Variants in CIC observed in about 807,000 individuals in gnomAD.
CIC encodes the protein capicua transcriptional repressor.
A neutral mutation model predicts 115.7 loss-of-function variants in CIC; 18 were observed. That is an observed-to-expected ratio of 0.16 (90% CI 0.11 to 0.23). The LOEUF is 0.23. Ranked by LOEUF, CIC falls within the 10% of genes least tolerant of loss-of-function variation. CIC has a pLI of 1.00. For missense variants in CIC, 2,000 were observed against 2,159.3 expected (o/e 0.93, Z 1.46); for synonymous variants, 1,076 against 923.0 (o/e 1.17, Z -3.01).
At chr19:42,289,753 G>A in intron 9 of CIC, 95 bp from the exon 10 acceptor site, 2 of 1,139,060 alleles carry the variant, frequency 1.8e-6, no homozygotes, top group Non-Finnish European at 2.6e-6. Context: ...CTCCCTGCCG[G>A]TTTGGAGCAG....
rs368084583 is a variant in CIC at position 42,287,460 on chromosome 19, C to T, written c.3309+11C>T. ...CGCAGCCCCAACAAGGTACTTTATC[C>T]CTGCCTGTCCTGTGCTCACCCCGTG... On this transcript the variant is annotated intron_variant, in intron 5 of 20. Transcript: ENST00000681038. This position sits in a 1 kb window ranked among gnomAD's most constrained non-coding sequence, Gnocchi z 8.7. 50 of 1,612,570 alleles carry T rather than the reference C, an allele frequency of 3.1e-5. No individual in the cohort carries two copies. In the African/African-American group the frequency reaches 6.1e-4, roughly 20 times the overall value.
At chr19:42,274,623 G>A in intron 2 of CIC, 46 bp downstream of exon 2, 1 of 398,656 alleles carries the variant, frequency 2.5e-6, no homozygotes, top group African/African-American at 2.1e-5. Context: ...ACCTCGTAGA[G>A]GGCCTCTTGC....
chr19:42,286,867 C>G lies in CIC; in HGVS notation c.2891C>G (p.Pro964Arg). ...APSQPDPSVQ[P>R]SEAQQPASHP... ...AGCCAGCCTGACCCCTCCGTGCAGC[C>G]GAGCGAGGCCCAGCAACCTGCCAGC... Residue 964 changes from proline (P) to arginine (R), a missense_variant, in exon 3 of 21, where the codon CCG becomes CGG. Pro to Arg is a moderately radical substitution (Grantham distance 103). This residue lies in a region of CIC where 222 missense variants were observed against 247.7 expected (regional missense o/e 0.90). Coordinates refer to ENST00000681038, the MANE Select transcript of CIC (RefSeq NM_001386298.1). 1.2e-6 allele frequency: 2 copies of G among 1,613,234 alleles called. No individual in the cohort carries two copies. Among genetic ancestry groups the G allele is most frequent in the Non-Finnish European group, 1.7e-6 (2 of 1,179,844 alleles).
intron 20 of CIC, 25 bp from the exon 21 acceptor site, chr19:42,294,799 C>T (rs1455748154): frequency 1.9e-6 from 3 of 1,606,640 alleles, no homozygotes; most frequent in Admixed American, 1.7e-5. Flanking sequence ...TCATCCTGTG[C>T]TCCCCACCGT....
intron 2 of CIC, among the ~76,000 whole-genome samples, chr19:42,277,795 C>A (rs1309327321): frequency 6.6e-6 from 1 of 152,182 alleles, no homozygotes; most frequent in Non-Finnish European, 1.5e-5. Context: ...CAGTGCCTAT[C>A]CTGGCAGTTC....
Position 42,288,971 on chromosome 19 carries a change from G to C in CIC, c.3742G>C (p.Glu1248Gln). ...KAPGSSSCGA[E>Q]RLHTVGGPGS... ...TCCGGGGAGCAGCTCCTGTGGGGCA[G>C]AACGGCTACACACAGTTGGGGGACC... The change falls in exon 8 of 21, where the codon GAA becomes CAA. Residue 1248 changes from glutamate to glutamine, a missense_variant. Physicochemically the swap from Glu to Gln is conservative, Grantham distance 29. Coordinates refer to ENST00000681038, the MANE Select transcript of CIC (RefSeq NM_001386298.1). The C allele has an allele frequency of 6.2e-7, 1 of 1,614,092 alleles. No homozygotes were observed. The highest frequency in any genetic ancestry group is 8.5e-7 in the Non-Finnish European group (1 of 1,180,044).
At chr19:42,293,473 C>T (rs1277589531) in intron 16 of CIC, 119 bp from the exon 17 acceptor site, 13 of 1,530,782 alleles carry the variant, frequency 8.5e-6, no homozygotes, top group East Asian at 4.6e-5. Context: ...TTCCTGAGGC[C>T]GTGTGACAGC....
Position 42,292,637 on chromosome 19 carries a change from G to A in CIC, c.5974G>A (p.Ala1992Thr), listed in dbSNP as rs1476677567. 1.9e-6 allele frequency: 3 copies of A among 1,613,700 alleles called. No individual in the cohort carries two copies. Among genetic ancestry groups the A allele is most frequent in the Middle Eastern group, 1.6e-4 (1 of 6,062 alleles). Residue 1992 changes from alanine to threonine, a missense_variant, in exon 15 of 21, where the codon GCC becomes ACC. Around this residue, in one of 8 missense-constraint regions of CIC, gnomAD observed 1,466 missense variants for 1,390.4 expected, o/e 1.05. Coordinates refer to ENST00000681038, the MANE Select transcript of CIC (RefSeq NM_001386298.1). ...SPVPSPQLPPACAAPGGPVIT... is the reference protein window; with the variant it reads ...SPVPSPQLPPTCAAPGGPVIT... Reference sequence around the variant, plus strand: ...TGTGCCCAGTCCCCAGCTGCCGCCTGCCTGTGCAGCCCCCGGAGGTCCTGT... The same window carrying A: ...TGTGCCCAGTCCCCAGCTGCCGCCTACCTGTGCAGCCCCCGGAGGTCCTGT...
chr19:42,284,720 A>G (rs1161639394), intron 2 of CIC: 1 of 1,554,350 alleles, frequency 6.4e-7, no homozygotes, highest in East Asian at 2.4e-5. Context: ...TTCGGCCCAC[A>G]GGCCCCTGAT....
At chr19:42,276,697 T>C (rs1056863957) in intron 2 of CIC, among the ~76,000 whole-genome samples, 7 of 152,152 alleles carry the variant, frequency 4.6e-5, no homozygotes, top group Non-Finnish European at 1.0e-4. Context: ...ACAGCAGGGA[T>C]TTCTGTCCTT....
chr19:42,286,758 C>T lies in CIC; in HGVS notation c.2795-13C>T. The T allele has an allele frequency of 6.2e-7, 1 of 1,613,898 alleles. No homozygotes were observed. Among genetic ancestry groups the T allele is most frequent in the Non-Finnish European group, 8.5e-7 (1 of 1,179,946 alleles). Reference sequence around the variant, plus strand: ...CTCTCCTGCTGCACAGCTCACCTGGCTCCTTTCCACAGTGTGGACGAATGT... The same window carrying T: ...CTCTCCTGCTGCACAGCTCACCTGGTTCCTTTCCACAGTGTGGACGAATGT... On this transcript the variant is annotated splice_polypyrimidine_tract_variant and intron_variant, in intron 2 of 20. Transcript: ENST00000681038.
chr19:42,274,145 C>G lies in CIC; in HGVS notation c.2362C>G (p.Pro788Ala), dbSNP rs1048537539. Reference sequence around the variant, plus strand: ...CTCACCATTGCTGCTGTTGCCACCCCCTGCCGGCCTGACCTCGGATCCAGG... The same window carrying G: ...CTCACCATTGCTGCTGTTGCCACCCGCTGCCGGCCTGACCTCGGATCCAGG... Reference protein sequence around the residue: ...QPSPLLLLPPPAGLTSDPGPS... With the variant: ...QPSPLLLLPPAAGLTSDPGPS... The change falls in exon 2 of 21, where the codon CCT becomes GCT. Residue 788 changes from proline (P) to alanine (A), a missense_variant. Pro to Ala is a conservative substitution (Grantham distance 27). Coordinates refer to ENST00000681038, the MANE Select transcript of CIC (RefSeq NM_001386298.1). The G allele has an allele frequency of 7.5e-6, 3 of 399,376 alleles. No homozygotes were observed. The highest frequency in any genetic ancestry group is 4.1e-5 in the African/African-American group (2 of 48,668). The allele number at this position is 399,376 out of a possible 1,614,324, so 24.7% of individuals were successfully genotyped here. A position where few individuals can be genotyped will look rare whatever the true frequency, so the allele number is the denominator to read the frequency against.
chr19:42,273,809 C>G lies in CIC; in HGVS notation c.2026C>G (p.Pro676Ala). Residue 676 changes from proline (P) to alanine (A), a missense_variant, in exon 2 of 21, where the codon CCA becomes GCA. This residue lies in a region of CIC where 222 missense variants were observed against 247.7 expected (regional missense o/e 0.90). Transcript: ENST00000681038. ...STPKAGVLTP[P>A]DLGPHPPPPA... ...CCCTAAGGCAGGCGTGCTGACGCCA[C>G]CAGACCTGGGCCCCCACCCACCGCC... is the stretch of plus-strand genomic sequence containing the variant. 5.0e-6 allele frequency: 2 copies of G among 398,830 alleles called. No homozygotes were observed. Among genetic ancestry groups the G allele is most frequent in the Middle Eastern group, 6.3e-4 (1 of 1,594 alleles). The allele number at this position is 398,830 out of a possible 1,614,324, so 24.7% of individuals were successfully genotyped here.
In CIC at chr19:42,287,754, C is replaced by A. The variant is rs774507373; in HGVS notation, c.3492+27C>A. The A allele has an allele frequency of 3.1e-6, 5 of 1,614,160 alleles. No homozygotes were observed. Among genetic ancestry groups the A allele is most frequent in the Non-Finnish European group, 4.2e-6 (5 of 1,180,022 alleles). On this transcript the variant is annotated intron_variant, in intron 6 of 20. Coordinates refer to ENST00000681038, the MANE Select transcript of CIC (RefSeq NM_001386298.1). The surrounding 1 kb of genome is among the most constrained non-coding windows in gnomAD (Gnocchi z 8.7). ...TAACGCTGTTGCCTCTTGGCTCCTC[C>A]CAGCTTCTTCTGGTGGGGTGGGTGA...
At position 42,280,105 on chromosome 19, in the gene CIC, G is replaced by A. The variant is rs1568492571; in HGVS notation, c.2794+5528G>A. 1 of 152,206 alleles carries A rather than the reference G, an allele frequency of 6.6e-6. No individual in the cohort carries two copies. The highest frequency in any genetic ancestry group is 1.5e-5 in the Non-Finnish European group (1 of 68,028). 9.4% of individuals were successfully genotyped at this position (152,206 alleles called of 1,614,324 possible). On this transcript the variant is annotated intron_variant, in intron 2 of 20. Coordinates refer to ENST00000681038, the MANE Select transcript of CIC (RefSeq NM_001386298.1). The surrounding 1 kb of genome is among the most constrained non-coding windows in gnomAD (Gnocchi z 4.9). The stretch of plus-strand genomic sequence containing the variant: ...CGGCGTCTGGCTCCCATTACCACCG[G>A]CGGCAGCGGCTGCACCGCAGGCGGC...
At position 42,288,852 on chromosome 19, in the gene CIC, T is replaced by C. The variant is rs762207712; in HGVS notation, c.3659-36T>C. On this transcript the variant is annotated intron_variant, in intron 7 of 20. Coordinates refer to ENST00000681038, the MANE Select transcript of CIC (RefSeq NM_001386298.1). The stretch of plus-strand genomic sequence containing the variant: ...GCCAGTCTAGGTGCTGGTGACAGGC[T>C]TACTGACTGTCATAGCGCCACTCTC... 3 of 1,583,858 alleles carry C rather than the reference T, an allele frequency of 1.9e-6. No individual in the cohort carries two copies. In the East Asian group the frequency reaches 6.7e-5, roughly 35 times the overall value.
At chr19:42,275,699 A>C (rs1371054356) in intron 2 of CIC, among the ~76,000 whole-genome samples, 1 of 152,110 alleles carries the variant, frequency 6.6e-6, no homozygotes, top group Non-Finnish European at 1.5e-5. Context: ...ATTTTTATAG[A>C]GATGGGGTCT....
In CIC at chr19:42,286,935, G is replaced by C. The variant is rs1386787754; in HGVS notation, c.2944+15G>C. ...CCAGAGCAAAGGTGAGGGCTGGTGG[G>C]GACTGGGGGGAGGCAAGGGTGTGGG... On this transcript the variant is annotated intron_variant, in intron 3 of 20. Coordinates refer to ENST00000681038, the MANE Select transcript of CIC (RefSeq NM_001386298.1). The C allele has an allele frequency of 6.2e-7, 1 of 1,609,562 alleles. No individual in the cohort carries two copies. The highest frequency in any genetic ancestry group is 8.5e-7 in the Non-Finnish European group (1 of 1,179,646).
At position 42,293,161 on chromosome 19, in the gene CIC, G is replaced by A. The variant is rs147780190; in HGVS notation, c.6402G>A (p.Gly2134=). Residue 2134 remains glycine (G), a synonymous_variant, in exon 16 of 21, where the codon GGG becomes GGA. Coordinates refer to ENST00000681038, the MANE Select transcript of CIC (RefSeq NM_001386298.1). ...CTGCCCCAGAGTCTGAGCTTGAGGG[G>A]CAGCCCACACCACCAGCCCCTCCAC... ...EPTAPESELE[G]QPTPPAPPPL... is the part of the protein sequence containing the mutation. The A allele has an allele frequency of 6.5e-5, 104 of 1,604,314 alleles. No homozygotes were observed. The African/African-American group carries it at 1.2e-3, about 19-fold the overall frequency.
Sources: gnomAD v4.1 joint callset for allele counts (sites outside exome capture counted in the v4.1 genomes callset) on GRCh38, gnomAD v4.1.1 for gene constraint, gnomAD v4.1.1 regional missense constraint, Gnocchi (gnomAD v3.1) non-coding constraint, MANE v1.5 for transcripts, NCBI Gene and HGNC (gene_info 2026-07-23, HGNC 2026-07-21) for gene names.